EPM2A: variants seen among roughly 807,000 people sequenced by gnomAD.
EPM2A encodes EPM2A glucan phosphatase, laforin.
A neutral mutation model predicts 26.5 loss-of-function variants in EPM2A; 21 were observed. The ratio of observed to expected loss-of-function variants is 0.79; its 90% CI spans 0.56 to 1.14. The LOEUF is 1.14. Ranked by LOEUF, EPM2A falls within the 50% of genes most tolerant of loss-of-function variation. The pLI, the probability that EPM2A is intolerant of heterozygous loss-of-function variation, is 0.00. For synonymous variants in EPM2A, 217 were observed against 177.6 expected (o/e 1.22, Z -1.76); for missense variants, 458 against 440.8 (o/e 1.04, Z -0.35).
intron 2 of EPM2A, among the ~76,000 whole-genome samples, chr6:145,662,022 G>A (rs1778751156): frequency 6.6e-6 from 1 of 152,150 alleles, no homozygotes; most frequent in African/African-American, 2.4e-5. Context: ...ATTATTCAGA[G>A]TAAAATTTCA....
chr6:145,690,521 GAA>G (rs145052340), intron 1 of EPM2A, among the ~76,000 whole-genome samples: 41,000 of 86,588 alleles, frequency 0.47, 6,418 homozygotes, highest in East Asian at 0.58. Context: ...CGTCTCAAAA[GAA>G]AAAAAAAAAA....
rs769087393 is a variant in EPM2A at position 145,627,452 on chromosome 6, T to C, written c.960A>G (p.Lys320=). 10 of 1,614,078 alleles carry C rather than the reference T, an allele frequency of 6.2e-6. No homozygotes were observed. Among genetic ancestry groups the C allele is most frequent in the Non-Finnish European group, 8.5e-6 (10 of 1,180,044 alleles). ...ACACAGAAGAACGAACCTTCCCAAA[T>C]TTCTGGAAAAAATCTTCTTGTGCCC... is the stretch of plus-strand genomic sequence containing the variant. The part of the protein sequence containing the change: ...LARAQEDFFQ[K]FGKVRSSVCS... Residue 320 remains lysine (K), a synonymous_variant, in exon 4 of 4, where the codon AAA becomes AAG. Transcript: ENST00000367519.
rs771072125 is a variant in EPM2A at position 145,627,620 on chromosome 6, C to A, written c.792G>T (p.Val264=). ...AGCGGCCCACCCCAGCGTTGCAGTG[C>A]ACGTACACGATGTGTCCCTTCTCCA... The part of the protein sequence containing the change: ...ALLEKGHIVY[V]HCNAGVGRST... Residue 264 remains valine, a synonymous_variant, in exon 4 of 4, where the codon GTG becomes GTT. Transcript: ENST00000367519. 1 of 1,614,198 alleles carries A rather than the reference C, an allele frequency of 6.2e-7. No homozygotes were observed. The highest frequency in any genetic ancestry group is 8.5e-7 in the Non-Finnish European group (1 of 1,180,022).
chr6:145,607,691 A>G (rs1296498389), intron 2 of EPM2A, among the ~76,000 whole-genome samples: 1 of 152,158 alleles, frequency 6.6e-6, no homozygotes, highest in African/African-American at 2.4e-5. Context: ...AGAAGAGGTA[A>G]AAATAACACT....
intron 2 of EPM2A, among the ~76,000 whole-genome samples, chr6:145,531,845 TTC>T (rs537586287): frequency 3.1e-4 from 47 of 152,332 alleles, no homozygotes; most frequent in African/African-American, 1.1e-3. Flanking sequence ...CCCTTTTTTA[TTC>T]TCTCACTGTG....
intron 1 of EPM2A, among the ~76,000 whole-genome samples, chr6:145,715,030 C>T (rs926629849): frequency 1.1e-4 from 17 of 152,186 alleles, no homozygotes; most frequent in Admixed American, 1.3e-4. Context: ...GGAGCACCTC[C>T]TGCCACTGCT....
rs548726666 is a variant in EPM2A at position 145,517,410 on chromosome 6, C to T, written c.341-14835G>A. On this transcript the variant is annotated intron_variant, in intron 2 of 3. Coordinates refer to the EPM2A transcript ENST00000450221. ...AATCACAAACAAACAAAAAGGGTCA[C>T]CTCAGGCAAGTGGCAATGAATACCT... Among the ~76,000 whole-genome samples, 155 of 152,222 alleles carry T rather than the reference C, an allele frequency of 1.0e-3. 1 individual carries two copies. Among genetic ancestry groups the T allele is most frequent in the African/African-American group, 3.4e-3 (143 of 41,536 alleles).
At chr6:145,659,226 A>G (rs1778510798) in intron 2 of EPM2A, among the ~76,000 whole-genome samples, 1 of 142,112 alleles carries the variant, frequency 7.0e-6, no homozygotes, top group Non-Finnish European at 1.6e-5. Context: ...ATAGGGTGGG[A>G]TGGGGTGGGA....
chr6:145,684,214 A>C (rs976651305), intron 2 of EPM2A, among the ~76,000 whole-genome samples: 13 of 152,138 alleles, frequency 8.5e-5, no homozygotes, highest in Non-Finnish European at 1.9e-4. Flanking sequence ...CAAAATGTAA[A>C]GCAATAAAAA....
chr6:145,661,618 CT>C (rs1250157087), intron 2 of EPM2A, among the ~76,000 whole-genome samples: 1 of 152,220 alleles, frequency 6.6e-6, no homozygotes, highest in East Asian at 1.9e-4. Flanking sequence ...TTTACGTGTT[CT>C]TTTTTCAGTA....
In EPM2A at chr6:145,495,867, G is replaced by A. The variant is rs145775167; in HGVS notation, c.555+6655C>T. On this transcript the variant is annotated intron_variant, in intron 4 of 4. Coordinates refer to the EPM2A transcript ENST00000638717. ...TGGGATTACAGGCGTGAGCCACTGCGCCTGGCCTATGTGGCTGCTTTATAG... is the reference window on the plus strand; with the variant it reads ...TGGGATTACAGGCGTGAGCCACTGCACCTGGCCTATGTGGCTGCTTTATAG... 2.0e-4 allele frequency among the ~76,000 whole-genome samples: 30 copies of A among 152,264 alleles called. No homozygotes were observed. In the East Asian group the frequency reaches 4.8e-3, roughly 25 times the overall value.
At chr6:145,684,665 A>C (rs1403159468) in intron 2 of EPM2A, 1 of 152,118 alleles carries the variant, frequency 6.6e-6, no homozygotes, top group Non-Finnish European at 1.5e-5. Flanking sequence ...CTCTCCATAA[A>C]ATTTCTGACA....
intron 2 of EPM2A, among the ~76,000 whole-genome samples, chr6:145,674,577 T>G (rs1779885137): frequency 6.6e-6 from 1 of 151,466 alleles, no homozygotes; most frequent in Non-Finnish European, 1.5e-5. Context: ...TAATAAACAG[T>G]GTAGAAAAGA....
At chr6:145,517,519 A>C (rs1780145422) in intron 2 of EPM2A, among the ~76,000 whole-genome samples, 1 of 152,152 alleles carries the variant, frequency 6.6e-6, no homozygotes. Context: ...TTTTCCCAAG[A>C]TGTTATTACT....
At chr6:145,622,198 C>A (rs899295531), downstream of EPM2A, among the ~76,000 whole-genome samples, 1 of 152,100 alleles carries the variant, frequency 6.6e-6, no homozygotes, top group African/African-American at 2.4e-5. Context: ...AACAACAGTA[C>A]AGGAATTCAT....
intron 2 of EPM2A, among the ~76,000 whole-genome samples, chr6:145,548,743 A>T (rs1453807405): frequency 1.3e-5 from 2 of 152,030 alleles, no homozygotes; most frequent in East Asian, 3.9e-4. Flanking sequence ...TGCCTTTAAA[A>T]GTCCTCTTTG....
At chr6:145,656,219 T>C (rs1463712865) in intron 2 of EPM2A, among the ~76,000 whole-genome samples, 1 of 152,180 alleles carries the variant, frequency 6.6e-6, no homozygotes, top group Non-Finnish European at 1.5e-5. Context: ...TAATCACATT[T>C]TGAATAAAGC....
chr6:145,490,830 C>T (rs1404755584), intron 4 of EPM2A: 2 of 620,658 alleles, frequency 3.2e-6, no homozygotes, highest in East Asian at 8.5e-5. Context: ...GATGCATGGC[C>T]ATCTTCTTCT....
At chr6:145,684,591 G>A (rs1248867549) in intron 2 of EPM2A, 2 of 151,968 alleles carry the variant, frequency 1.3e-5, no homozygotes, top group Non-Finnish European at 2.9e-5. Flanking sequence ...GTCTCATCTA[G>A]ACTCAACATT....
Sources: allele counts gnomAD v4.1 joint callset (sites outside exome capture counted in the v4.1 genomes callset), GRCh38; gene constraint gnomAD v4.1.1; transcripts MANE v1.5; gene names NCBI Gene and HGNC (gene_info 2026-07-23, HGNC 2026-07-21).